The following ERMN variants were observed in gnomAD, a reference collection of about 807,000 sequenced individuals.
The protein encoded by ERMN is ermin, also known as ermin, ERM-like protein.
ERMN carries 17 observed loss-of-function variants against 21.4 expected under a neutral mutation model. The ratio of observed to expected loss-of-function variants is 0.80; its 90% confidence interval spans 0.54 to 1.19. ERMN has a LOEUF of 1.19. Among genes scored for constraint, ERMN ranks in the 50% most tolerant of loss-of-function variants. The pLI, the probability that ERMN is intolerant of heterozygous loss-of-function variation, is 0.00. For synonymous variants in ERMN, 115 were observed against 111.9 expected (o/e 1.03, Z -0.17); for missense variants, 348 against 331.6 (o/e 1.05, Z -0.38).
At chr2:157,325,330 A>C in intron 1 of ERMN, 72 bp downstream of exon 1, 1 of 1,593,650 alleles carries the variant, frequency 6.3e-7, no homozygotes, top group South Asian at 1.1e-5. Context: ...TTTCGATAAT[A>C]GTTTATCAAA....
At chr2:157,327,464 T>C (rs930790430), upstream of ERMN, 26 of 780,260 alleles carry the variant, frequency 3.3e-5, no homozygotes, top group Non-Finnish European at 6.0e-5. Flanking sequence ...TAAATAGTAA[T>C]ACACTTACTC....
intron 2 of ERMN, among the ~76,000 whole-genome samples, chr2:157,323,013 A>G (rs1385811207): frequency 1.3e-5 from 2 of 152,164 alleles, no homozygotes; most frequent in African/African-American, 4.8e-5. Flanking sequence ...ATATGTTTTA[A>G]TCCAGTAACA....
At chr2:157,324,636 C>T in intron 2 of ERMN, 34 bp downstream of exon 2, 1 of 1,529,218 alleles carries the variant, frequency 6.5e-7, no homozygotes, top group Non-Finnish European at 9.1e-7. Context: ...CTCAGTCAAA[C>T]AATTTCTGTG....
upstream of ERMN, chr2:157,327,238 T>C (rs1271943072): frequency 2.2e-6 from 1 of 453,862 alleles, no homozygotes; most frequent in Non-Finnish European, 3.9e-6. Flanking sequence ...GCTGAGCCCA[T>C]TCAGGTCTAT....
Position 157,325,403 on chromosome 2 carries a change from T to A in ERMN, c.240A>T (p.Lys80Asn). Reference protein sequence around the residue: ...LNSSMEDKMLKENPEEKLFIV... With the variant: ...LNSSMEDKMLNENPEEKLFIV... ...TTAAGGAGAAGGGAAACACTTTACCTTTTAGCATTTTGTCCTCCATGGATG... is the reference window on the plus strand; with the variant it reads ...TTAAGGAGAAGGGAAACACTTTACCATTTAGCATTTTGTCCTCCATGGATG... The change falls in exon 1 of 3, where the codon AAA (lysine) becomes AAT (asparagine). Residue 80 changes from lysine (K) to asparagine (N), a missense_variant and splice_region_variant. By Grantham distance (94) the Lys-to-Asn change is moderately conservative. Transcript: ENST00000410096. The A allele has an allele frequency of 6.2e-7, 1 of 1,613,778 alleles. No individual in the cohort carries two copies. The highest frequency in any genetic ancestry group is 8.5e-7 in the Non-Finnish European group (1 of 1,179,772).
rs1683902923 is a variant in ERMN at position 157,321,565 on chromosome 2, A to G, written c.561T>C (p.Asp187=). The change falls in exon 3 of 3, where the codon GAT becomes GAC. Residue 187 remains aspartate (D), a synonymous_variant. Coordinates refer to ENST00000410096, the MANE Select transcript of ERMN (RefSeq NM_020711.3). ...TATTGCAATTATCATCATCATCATC[A>G]TCAATTTCTTCATCCCAAACCTTCT... The part of the protein sequence containing the change: ...EEQKVWDEEI[D]DDDDDNCNND... 6.2e-7 allele frequency: 1 copy of G among 1,613,978 alleles called. No individual in the cohort carries two copies. Among genetic ancestry groups the G allele is most frequent in the Non-Finnish European group, 8.5e-7 (1 of 1,179,972 alleles).
intron 2 of ERMN, chr2:157,324,272 C>CAAAAAA (rs748983472): frequency 0.013 from 1,274 of 94,712 alleles, 16 homozygotes; most frequent in African/African-American, 0.053. Context: ...CACTCCGTCT[C>CAAAAAA]AAAAAAAAAA....
chr2:157,325,141 T>C, intron 1 of ERMN: 1 of 614,950 alleles, frequency 1.6e-6, no homozygotes, highest in South Asian at 1.5e-5. Context: ...CCTAGACTTG[T>C]AGTTATTATT....
chr2:157,321,865 A>G, intron 2 of ERMN, 74 bp from the exon 3 acceptor site: 1 of 1,321,078 alleles, frequency 7.6e-7, no homozygotes, highest in Non-Finnish European at 1.0e-6. Flanking sequence ...GTTATTCTCC[A>G]AATAATTTTT....
At position 157,321,718 on chromosome 2, in the gene ERMN, C is replaced by T; in HGVS notation, c.408G>A (p.Glu136=). 1.2e-6 allele frequency: 2 copies of T among 1,613,936 alleles called. No homozygotes were observed. The highest frequency in any genetic ancestry group is 1.7e-6 in the Non-Finnish European group (2 of 1,179,970). Residue 136 remains glutamate, a synonymous_variant, in exon 3 of 3, where the codon GAG becomes GAA. Transcript: ENST00000410096. The stretch of plus-strand genomic sequence containing the variant: ...CATCTTCTTCCTCTTTGAGAGGCTG[C>T]TCAGTAATCCTCTCCTTCTGTCTTC... ...EIRRQKERIT[E]QPLKEEEDED...
chr2:157,320,867 C>A lies in ERMN; in HGVS notation c.*404G>T. 1 of 162,224 alleles carries A rather than the reference C, an allele frequency of 6.2e-6. No individual in the cohort carries two copies. Among genetic ancestry groups the A allele is most frequent in the Non-Finnish European group, 1.3e-5 (1 of 74,554 alleles). 10.0% of individuals were successfully genotyped at this position (162,224 alleles called of 1,614,324 possible). On this transcript the variant is annotated 3_prime_UTR_variant, in exon 3 of 3. Transcript: ENST00000410096. Reference sequence around the variant, plus strand: ...TTTAATACCAGACTTTCCATCACTCCAATGTACAGGAAGAAAGATACCAAA... The same window carrying A: ...TTTAATACCAGACTTTCCATCACTCAAATGTACAGGAAGAAAGATACCAAA...
chr2:157,324,903 T>G, intron 1 of ERMN, 141 bp from the exon 2 acceptor site: 1 of 539,298 alleles, frequency 1.9e-6, no homozygotes, highest in South Asian at 2.6e-5. Context: ...ACTCTTTGGA[T>G]TCATTCTTTA....
upstream of ERMN, chr2:157,327,590 A>G (rs16841621): frequency 5.0e-3 from 3,481 of 701,546 alleles, 62 homozygotes; most frequent in East Asian, 0.046. Flanking sequence ...CAGCAAGCCT[A>G]CTGATGAGAG....
rs774358240 is a variant in ERMN, at chr2:157,321,475, T to C, written c.651A>G (p.Lys217=). ...KKKHEEVSQF[K]EEGDASEDSP... The stretch of plus-strand genomic sequence containing the variant: ...AGTCCTCACTTGCATCACCTTCCTC[T>C]TTAAATTGAGAAACCTCTTCATGTT... The change falls in exon 3 of 3, where the codon AAA becomes AAG. Residue 217 remains lysine (K), a synonymous_variant. Coordinates refer to ENST00000410096, the MANE Select transcript of ERMN (RefSeq NM_020711.3). 6.2e-7 allele frequency: 1 copy of C among 1,614,122 alleles called. No individual in the cohort carries two copies. Among genetic ancestry groups the C allele is most frequent in the South Asian group, 1.1e-5 (1 of 91,082 alleles).
In ERMN at chr2:157,321,674, C is replaced by A. The variant is rs781590531; in HGVS notation, c.452G>T (p.Gly151Val). ...EEEDEDRKNK[G>V]HQAAEIEWLG... ...CCATTCAATTTCAGCTGCCTGGTGA[C>A]CTTTGTTCTTCCTGTCCTCATCTTC... Residue 151 changes from glycine to valine, a missense_variant, in exon 3 of 3, where the codon GGT becomes GTT. By Grantham distance (109) the Gly-to-Val change is moderately radical (BLOSUM62 -3). Transcript: ENST00000410096. 2 of 1,614,002 alleles carry A rather than the reference C, an allele frequency of 1.2e-6. No homozygotes were observed. Among genetic ancestry groups the A allele is most frequent in the African/African-American group, 1.3e-5 (1 of 74,996 alleles).
chr2:157,320,647 C>G lies in ERMN; in HGVS notation c.*624G>C, dbSNP rs990465658. 2.0e-5 allele frequency: 3 copies of G among 152,276 alleles called. No homozygotes were observed. The highest frequency in any genetic ancestry group is 7.2e-5 in the African/African-American group (3 of 41,454). 9.4% of individuals were successfully genotyped at this position (152,276 alleles called of 1,614,324 possible). On this transcript the variant is annotated 3_prime_UTR_variant, in exon 3 of 3. Coordinates refer to ENST00000410096, the MANE Select transcript of ERMN (RefSeq NM_020711.3). ...CATTTAGCAAACAGAATTATCCTGA[C>G]TGACAATTGCTCATCTCCCTCTGAG... is the stretch of plus-strand genomic sequence containing the variant.
chr2:157,321,695 T>C lies in ERMN; in HGVS notation c.431A>G (p.Asp144Gly). 1.2e-6 allele frequency: 2 copies of C among 1,614,068 alleles called. No homozygotes were observed. The highest frequency in any genetic ancestry group is 1.7e-6 in the Non-Finnish European group (2 of 1,179,964). ...ITEQPLKEEE[D>G]EDRKNKGHQA... is the part of the protein sequence containing the mutation. ...GTGACCTTTGTTCTTCCTGTCCTCA[T>C]CTTCTTCCTCTTTGAGAGGCTGCTC... Residue 144 changes from aspartate (D) to glycine (G), a missense_variant, in exon 3 of 3, where the codon GAT becomes GGT. Physicochemically the swap from Asp to Gly is moderately conservative, Grantham distance 94 (BLOSUM62 -1). Transcript: ENST00000410096.
At position 157,325,580 on chromosome 2, in the gene ERMN, G is replaced by A. The variant is rs772335349; in HGVS notation, c.63C>T (p.Asn21=). ...TGATTTTAGTGATTGTTTGTTGACC[G>A]TTTTCAGGTGGTTTATCCCCATTAC... ...AECNGDKPPE[N]GQQTITKISE... is the part of the protein sequence containing the mutation. Residue 21 remains asparagine, a synonymous_variant, in exon 1 of 3, where the codon AAC becomes AAT. Transcript: ENST00000410096. 10 of 1,613,996 alleles carry A rather than the reference G, an allele frequency of 6.2e-6. No individual in the cohort carries two copies. The highest frequency in any genetic ancestry group is 1.6e-4 in the Middle Eastern group (1 of 6,084).
At chr2:157,325,077 G>T in intron 1 of ERMN, 1 of 452,762 alleles carries the variant, frequency 2.2e-6, no homozygotes. Flanking sequence ...CAAATAATAT[G>T]GGGCTGTCCA....
Sources: gnomAD v4.1 joint callset for allele counts (sites outside exome capture counted in the v4.1 genomes callset) on GRCh38, gnomAD v4.1.1 for gene constraint, MANE v1.5 for transcripts, NCBI Gene and HGNC (gene_info 2026-07-23, HGNC 2026-07-21) for gene names.